Variants in JMJD1C observed in about 807,000 individuals in gnomAD.
JMJD1C encodes jumonji domain-containing protein 1C.
A neutral mutation model predicts 245.3 loss-of-function variants in JMJD1C; 31 were observed. That is an observed-to-expected ratio of 0.13 (90% CI 0.09 to 0.17). The LOEUF (loss-of-function observed/expected upper bound fraction) is 0.17. Among genes scored for constraint, JMJD1C ranks in the 10% least tolerant of loss-of-function variants. The pLI, the probability that JMJD1C is intolerant of heterozygous loss-of-function variation, is 1.00. For missense variants in JMJD1C, 2,691 were observed against 3,000.2 expected, an observed-to-expected ratio of 0.90 and a Z score of 2.41; for synonymous variants, 1,057 against 1,017.4, an observed-to-expected ratio of 1.04 and a Z score of -0.74.
intron 2 of JMJD1C, among the ~76,000 whole-genome samples, chr10:63,351,133 C>T (rs1028598924): frequency 4.0e-5 from 6 of 148,670 alleles, no homozygotes; most frequent in African/African-American, 1.2e-4. Flanking sequence ...GGCTGGAATG[C>T]AGTGGTGAGA....
chr10:63,284,293 T>C (rs1418045153), intron 2 of JMJD1C, among the ~76,000 whole-genome samples: 1 of 152,220 alleles, frequency 6.6e-6, no homozygotes, highest in Non-Finnish European at 1.5e-5. Context: ...ACCAAAGTGC[T>C]GGGATTACAG....
chr10:63,422,591 G>A (rs1353290546), intron 1 of JMJD1C, among the ~76,000 whole-genome samples: 1 of 152,104 alleles, frequency 6.6e-6, no homozygotes, highest in African/African-American at 2.4e-5. Context: ...ATTCAAAGCA[G>A]GAGTCTCTAC....
intron 2 of JMJD1C, among the ~76,000 whole-genome samples, chr10:63,348,538 C>T (rs1038860887): frequency 4.6e-4 from 70 of 152,162 alleles, no homozygotes; most frequent in African/African-American, 1.7e-3. Context: ...TGCAGGTCGC[C>T]TATCTCATGA....
chr10:63,284,241 G>C (rs1857722552), intron 2 of JMJD1C, among the ~76,000 whole-genome samples: 2 of 152,114 alleles, frequency 1.3e-5, no homozygotes, highest in South Asian at 4.1e-4. Context: ...GAGCAGGCTG[G>C]TCTAGAACTC....
intron 1 of JMJD1C, among the ~76,000 whole-genome samples, chr10:63,517,740 C>T (rs1164548814): frequency 2.0e-5 from 3 of 151,514 alleles, no homozygotes; most frequent in Non-Finnish European, 2.9e-5. Context: ...TCTCCCAGTG[C>T]CCCTAGCACC....
intron 18 of JMJD1C, among the ~76,000 whole-genome samples, chr10:63,188,341 T>TC (rs1844372427): frequency 6.6e-6 from 1 of 152,336 alleles, no homozygotes; most frequent in East Asian, 1.9e-4. Context: ...AGTGTGCATT[T>TC]CTTTTTTTGG....
At chr10:63,333,091 T>C (rs1942337034) in intron 2 of JMJD1C, among the ~76,000 whole-genome samples, 1 of 152,200 alleles carries the variant, frequency 6.6e-6, no homozygotes, top group African/African-American at 2.4e-5. Context: ...TGGCATATTA[T>C]TTTTCTTTAT....
At chr10:63,477,057 T>C (rs941094574) in intron 1 of JMJD1C, among the ~76,000 whole-genome samples, 10 of 152,140 alleles carry the variant, frequency 6.6e-5, no homozygotes, top group Non-Finnish European at 1.5e-5. Context: ...TAGACCTCTC[T>C]CAAAAAGATA....
chr10:63,331,596 G>C (rs1242160711), intron 2 of JMJD1C, among the ~76,000 whole-genome samples: 1 of 152,144 alleles, frequency 6.6e-6, no homozygotes, highest in Non-Finnish European at 1.5e-5. Flanking sequence ...CAGAATGTCA[G>C]AGAAGTTCAA....
chr10:63,298,753 A>G (rs888955014), intron 2 of JMJD1C, among the ~76,000 whole-genome samples: 1 of 151,946 alleles, frequency 6.6e-6, no homozygotes, highest in Non-Finnish European at 1.5e-5. Context: ...TTTTTTTTAG[A>G]CGGAGTTTTG....
intron 2 of JMJD1C, among the ~76,000 whole-genome samples, chr10:63,374,124 G>A (rs914592466): frequency 6.6e-5 from 10 of 151,902 alleles, no homozygotes; most frequent in Non-Finnish European, 1.5e-4. Context: ...AACTGGCTAA[G>A]CAAACTATGA....
At chr10:63,414,410 T>C (rs912208633) in intron 1 of JMJD1C, among the ~76,000 whole-genome samples, 4 of 152,170 alleles carry the variant, frequency 2.6e-5, no homozygotes, top group Non-Finnish European at 2.9e-5. Flanking sequence ...TATTCTCATT[T>C]AAAAATATCA....
chr10:63,424,713 C>T (rs755736512), intron 1 of JMJD1C, among the ~76,000 whole-genome samples: 1 of 151,756 alleles, frequency 6.6e-6, no homozygotes, highest in African/African-American at 2.4e-5. Context: ...ATCATTCAGA[C>T]CTGAACATCA....
At chr10:63,470,541 G>GA (rs1262566105), upstream of JMJD1C, among the ~76,000 whole-genome samples, 7 of 152,160 alleles carry the variant, frequency 4.6e-5, no homozygotes, top group African/African-American at 9.6e-5. Flanking sequence ...CAATTCTCAA[G>GA]AAAAAACATT....
chr10:63,426,172 T>G (rs1305001541), intron 1 of JMJD1C, among the ~76,000 whole-genome samples: 1 of 151,760 alleles, frequency 6.6e-6, no homozygotes, highest in African/African-American at 2.4e-5. Context: ...GCCAGAGGTT[T>G]GAGACCAGCC....
rs185105410 is a variant in JMJD1C at position 63,499,185 on chromosome 10, G to A, written n.113+22553C>T. On this transcript the variant is annotated intron_variant and non_coding_transcript_variant, in intron 1 of 3. Transcript: ENST00000633035. ...ATAGTGCTGCAATGAACACAGGAGT[G>A]CTAATGTCTCTTCAAGATGCTGATT... is the stretch of plus-strand genomic sequence containing the variant. 4.6e-5 allele frequency among the ~76,000 whole-genome samples: 7 copies of A among 152,316 alleles called. No individual in the cohort carries two copies. The East Asian group carries it at 5.8e-4, about 13-fold the overall frequency.
chr10:63,298,148 T>G (rs970582035), intron 2 of JMJD1C, among the ~76,000 whole-genome samples: 3 of 152,210 alleles, frequency 2.0e-5, no homozygotes, highest in African/African-American at 7.2e-5. Flanking sequence ...TTGGACCCTG[T>G]GCTTGCCCGG....
At chr10:63,233,341 T>C (rs12259115) in intron 3 of JMJD1C, among the ~76,000 whole-genome samples, 23,446 of 152,062 alleles carry the variant, frequency 0.15, 4,086 homozygotes, top group African/African-American at 0.43. Flanking sequence ...TAAAAGAGTA[T>C]AGTCATTTTA....
chr10:63,424,330 G>A (rs1589722059), intron 1 of JMJD1C, among the ~76,000 whole-genome samples: 1 of 151,276 alleles, frequency 6.6e-6, no homozygotes. Context: ...GCCTCCCAAA[G>A]TGATGGGATT....
Sources: gnomAD v4.1 joint callset for allele counts (sites outside exome capture counted in the v4.1 genomes callset) on GRCh38, gnomAD v4.1.1 for gene constraint, MANE v1.5 for transcripts, NCBI Gene and HGNC (gene_info 2026-07-23, HGNC 2026-07-21) for gene names.